Variants in TGFA observed in about 807,000 individuals in gnomAD.
TGFA encodes the protein transforming growth factor alpha.
A neutral mutation model predicts 21.7 loss-of-function variants in TGFA; 12 were observed. That is an observed-to-expected ratio of 0.55 (90% CI 0.35 to 0.90). The LOEUF (loss-of-function observed/expected upper bound fraction) is 0.90, where lower values mean the gene tolerates loss of function less well. TGFA is among the 40% of genes least tolerant of loss of function. The pLI is 0.01. For missense variants in TGFA, 178 were observed against 210.8 expected (o/e 0.84, Z 0.96); for synonymous variants, 79 against 88.1 (o/e 0.90, Z 0.58).
intron 2 of TGFA, among the ~76,000 whole-genome samples, chr2:70,476,589 C>G (rs1670941391): frequency 6.6e-6 from 1 of 152,204 alleles, no homozygotes; most frequent in Non-Finnish European, 1.5e-5. Flanking sequence ...GTCTTTGAAC[C>G]ATAATCCCCT....
intron 2 of TGFA, among the ~76,000 whole-genome samples, chr2:70,468,699 T>C (rs1432741219): frequency 1.3e-5 from 2 of 152,214 alleles, no homozygotes; most frequent in Non-Finnish European, 2.9e-5. Flanking sequence ...GTGAGGGATC[T>C]AGGCTGTGTA....
chr2:70,484,254 C>T (rs782444039), intron 2 of TGFA, among the ~76,000 whole-genome samples: 1 of 152,198 alleles, frequency 6.6e-6, no homozygotes, highest in Non-Finnish European at 1.5e-5. Context: ...AAGAATTCTT[C>T]AGGTGTTCAA....
At chr2:70,487,830 A>G (rs1671312280) in intron 2 of TGFA, among the ~76,000 whole-genome samples, 1 of 152,154 alleles carries the variant, frequency 6.6e-6, no homozygotes, top group Non-Finnish European at 1.5e-5. Flanking sequence ...CACATTTATG[A>G]TTATTTTTCT....
At chr2:70,521,609 G>GTTGT (rs1432347684) in intron 1 of TGFA, among the ~76,000 whole-genome samples, 9 of 78,874 alleles carry the variant, frequency 1.1e-4, no homozygotes, top group African/African-American at 4.0e-4. Context: ...TTTTGTTGTT[G>GTTGT]TTTGTTTGTT....
In TGFA at chr2:70,552,463, C is replaced by A. The variant is rs150232298; in HGVS notation, c.40+1265G>T. Among the ~76,000 whole-genome samples, 179 of 152,336 alleles carry A rather than the reference C, an allele frequency of 1.2e-3. 2 individuals carry two copies. Among genetic ancestry groups the A allele is most frequent in the Middle Eastern group, 6.8e-3 (2 of 294 alleles). ...ATTTAAATCAGAGCAACAGTCAATA[C>A]ATGCACACAAAAAAGGCAATTCTTC... On this transcript the variant is annotated intron_variant, in intron 1 of 5. Coordinates refer to ENST00000295400, the MANE Select transcript of TGFA (RefSeq NM_003236.4).
At chr2:70,491,655 C>A (rs1671440947) in intron 2 of TGFA, among the ~76,000 whole-genome samples, 1 of 152,220 alleles carries the variant, frequency 6.6e-6, no homozygotes. Context: ...GAGACAGTGG[C>A]ATAACAGGGT....
chr2:70,514,740 C>A, intron 2 of TGFA, 119 bp downstream of exon 2: 1 of 1,096,954 alleles, frequency 9.1e-7, no homozygotes, highest in Admixed American at 2.0e-5. Flanking sequence ...GAGAGGACTC[C>A]GGGACAGGCG....
In TGFA at chr2:70,476,096, A is replaced by AT. The variant is rs1208843888; in HGVS notation, c.95-10361_95-10360insA. Among the ~76,000 whole-genome samples the AT allele has an allele frequency of 5.5e-5, 8 of 146,722 alleles. 1 individual carries two copies. The highest frequency in any genetic ancestry group is 1.6e-4 in the African/African-American group (6 of 37,238). On this transcript the variant is annotated intron_variant, in intron 2 of 5. Coordinates refer to ENST00000295400, the MANE Select transcript of TGFA (RefSeq NM_003236.4). ...AATTTTAAGCAAAAAAAAAAAAAAA[A>AT]AAAAAAAAAAATTAAGAAAATTACA...
intron 2 of TGFA, among the ~76,000 whole-genome samples, chr2:70,485,787 A>G (rs1029112737): frequency 1.9e-4 from 29 of 152,132 alleles, no homozygotes; most frequent in Non-Finnish European, 3.8e-4. Flanking sequence ...TTATATTCAT[A>G]TATTGCATTT....
chr2:70,542,141 C>A (rs954583918), intron 1 of TGFA, among the ~76,000 whole-genome samples: 2 of 151,980 alleles, frequency 1.3e-5, no homozygotes, highest in Non-Finnish European at 2.9e-5. Flanking sequence ...CTCTGTCAAC[C>A]CCCCCAAAAA....
chr2:70,468,539 A>G (rs1471808986), intron 2 of TGFA: 1 of 152,188 alleles, frequency 6.6e-6, no homozygotes, highest in Non-Finnish European at 1.5e-5. Flanking sequence ...AAGGGGCTAG[A>G]CTCTAGAGGC....
In TGFA at chr2:70,496,438, A is replaced by C. The variant is rs576809338; in HGVS notation, c.94+18421T>G. 9.5e-4 allele frequency among the ~76,000 whole-genome samples: 143 copies of C among 149,886 alleles called. 3 individuals are homozygous for C. The East Asian group carries it at 0.024, about 25-fold the overall frequency. On this transcript the variant is annotated intron_variant, in intron 2 of 5. Transcript: ENST00000295400. ...AATTTTGAGCCACAGGGAAAAAAAA[A>C]CAGAATACTTCATGCTATTATACCT...
chr2:70,476,080 C>CA (rs1175233983), intron 2 of TGFA, among the ~76,000 whole-genome samples: 1,302 of 55,562 alleles, frequency 0.023, 61 homozygotes, highest in South Asian at 0.036. Flanking sequence ...TAATTTTAAG[C>CA]AAAAAAAAAA....
intron 2 of TGFA, among the ~76,000 whole-genome samples, chr2:70,487,394 TATATGAG>T (rs1431721933): frequency 1.3e-5 from 2 of 152,230 alleles, no homozygotes; most frequent in Non-Finnish European, 2.9e-5. Flanking sequence ...TGCATATACA[TATATGAG>T]ATATGAGATA....
intron 2 of TGFA, among the ~76,000 whole-genome samples, chr2:70,510,920 T>G (rs1272283595): frequency 6.6e-6 from 1 of 152,110 alleles, no homozygotes; most frequent in Non-Finnish European, 1.5e-5. Flanking sequence ...GTGGGAGGAC[T>G]GCTGGAGTCC....
chr2:70,465,983 G>A (rs1044629842), intron 2 of TGFA, among the ~76,000 whole-genome samples: 4 of 152,104 alleles, frequency 2.6e-5, no homozygotes, highest in African/African-American at 4.8e-5. Flanking sequence ...TCAAACTAAC[G>A]TAATTCAAAG....
At chr2:70,464,782 T>C (rs1670500644) in intron 3 of TGFA, among the ~76,000 whole-genome samples, 2 of 152,226 alleles carry the variant, frequency 1.3e-5, no homozygotes, top group African/African-American at 2.4e-5. Flanking sequence ...CCACTTTGTC[T>C]CTAAGCTGGT....
At chr2:70,537,286 C>A (rs893937625) in intron 1 of TGFA, among the ~76,000 whole-genome samples, 4 of 152,062 alleles carry the variant, frequency 2.6e-5, no homozygotes, top group African/African-American at 9.7e-5. Flanking sequence ...CTCCCTATTC[C>A]CTGAGACACA....
Position 70,546,429 on chromosome 2 carries a change from G to GC in TGFA, c.40+7298dup, listed in dbSNP as rs782190339. ...TTGTTACCCAGATAGTAAGAATGGT[G>GC]CCCAATAGACAGTTTTTCAACACTT... On this transcript the variant is annotated intron_variant, in intron 1 of 5. Coordinates refer to ENST00000295400, the MANE Select transcript of TGFA (RefSeq NM_003236.4). Among the ~76,000 whole-genome samples, 135 of 152,126 alleles carry GC rather than the reference G, an allele frequency of 8.9e-4. 1 individual carries two copies. Among genetic ancestry groups the GC allele is most frequent in the Non-Finnish European group, 1.7e-3 (117 of 67,996 alleles).
Sources: gnomAD v4.1 joint callset for allele counts (sites outside exome capture counted in the v4.1 genomes callset) on GRCh38, gnomAD v4.1.1 for gene constraint, MANE v1.5 for transcripts, NCBI Gene and HGNC (gene_info 2026-07-23, HGNC 2026-07-21) for gene names.